Variants in DMD observed in about 807,000 individuals in gnomAD.
DMD encodes the protein mutant dystrophin.
A neutral mutation model predicts 330.1 loss-of-function variants in DMD; 63 were observed. The observed-to-expected ratio is 0.19, with a 90% CI of 0.16 to 0.24. The LOEUF (loss-of-function observed/expected upper bound fraction) is 0.24. DMD is among the 10% of genes least tolerant of loss of function. The pLI is 1.00. For synonymous variants in DMD, 1,223 were observed against 959.8 expected (o/e 1.27, Z -5.07); for missense variants, 3,344 against 2,684.1 (o/e 1.25, Z -5.43).
chrX:31,125,655 C>T lies in DMD; in HGVS notation c.11046+987G>A, dbSNP rs529339102. ...GGGCTGTCAGTTAACACTTTGTCAT[C>T]CAACAGTCACTTAATTAGGTAATTC... On this transcript the variant is annotated intron_variant, in intron 78 of 78. Transcript: ENST00000357033. Among the ~76,000 whole-genome samples the T allele has an allele frequency of 4.5e-5, 5 of 111,774 alleles. No homozygotes were observed. In the East Asian group the frequency reaches 1.1e-3, roughly 25 times the overall value.
intron 11 of DMD, among the ~76,000 whole-genome samples, chrX:32,620,801 A>G (rs982470080): frequency 3.6e-5 from 4 of 112,194 alleles, no homozygotes; most frequent in African/African-American, 1.3e-4. Flanking sequence ...TAATTAGAAT[A>G]TAAGAAATCC....
At chrX:32,314,557 T>G (rs2097576276) in intron 41 of DMD, among the ~76,000 whole-genome samples, 1 of 110,844 alleles carries the variant, frequency 9.0e-6, no homozygotes, top group Admixed American at 9.6e-5. Context: ...GGGATCTAAT[T>G]AAACTGAAGA....
At chrX:33,157,560 G>A (rs2048565228) in intron 1 of DMD, among the ~76,000 whole-genome samples, 2 of 112,392 alleles carry the variant, frequency 1.8e-5, no homozygotes, top group Admixed American at 1.9e-4. Context: ...TGAACTGACT[G>A]CTGTCAATCT....
At position 32,816,507 on chromosome X, in the gene DMD, G is replaced by T; in HGVS notation, c.491C>A (p.Ser164Tyr). The T allele has an allele frequency of 8.3e-7, 1 of 1,211,552 alleles. No individual in the cohort carries two copies. Among genetic ancestry groups the T allele is most frequent in the Non-Finnish European group, 1.1e-6 (1 of 895,349 alleles). Reference sequence around the variant, plus strand: ...GAGAGCATTCAAAGCCAGGCCATCAGACCAGCTGGTGGTGAAGTTGATTAC... The same window carrying T: ...GAGAGCATTCAAAGCCAGGCCATCATACCAGCTGGTGGTGAAGTTGATTAC... ...VNVINFTTSW[S>Y]DGLALNALIH... Residue 164 changes from serine to tyrosine, a missense_variant, in exon 6 of 79, where the codon TCT becomes TAT. Transcript: ENST00000357033.
intron 37 of DMD, among the ~76,000 whole-genome samples, chrX:32,358,712 G>A (rs926529577): frequency 2.4e-4 from 27 of 111,046 alleles, no homozygotes; most frequent in Non-Finnish European, 5.7e-5. Context: ...GCAAAGACAC[G>A]ATTTTCTGAC....
At chrX:31,530,004 T>C in intron 55 of DMD, among the ~76,000 whole-genome samples, 1 of 112,052 alleles carries the variant, frequency 8.9e-6, no homozygotes, top group Non-Finnish European at 1.9e-5. Flanking sequence ...CATCTGTCGG[T>C]AATGCAAACG....
intron 44 of DMD, among the ~76,000 whole-genome samples, chrX:32,154,309 C>A (rs931181364): frequency 8.9e-6 from 1 of 111,983 alleles, no homozygotes; most frequent in African/African-American, 3.2e-5. Context: ...TTTTTCTAAA[C>A]TCTTACTGAA....
At chrX:32,774,282 G>T (rs1014263039) in intron 7 of DMD, among the ~76,000 whole-genome samples, 3 of 112,015 alleles carry the variant, frequency 2.7e-5, no homozygotes, top group African/African-American at 9.7e-5. Flanking sequence ...CGGAGGGAAA[G>T]AAACAATTCG....
intron 34 of DMD, among the ~76,000 whole-genome samples, chrX:32,371,236 G>A (rs762688697): frequency 9.9e-5 from 11 of 111,461 alleles, no homozygotes; most frequent in Non-Finnish European, 1.5e-4. Flanking sequence ...CAAAATAAAC[G>A]TGAAAAACAC....
chrX:32,914,055 T>C (rs2149346461), intron 2 of DMD, among the ~76,000 whole-genome samples: 1 of 111,948 alleles, frequency 8.9e-6, no homozygotes, highest in South Asian at 3.7e-4. Context: ...GCCTCAGGCT[T>C]AGCTTTTAAA....
intron 60 of DMD, among the ~76,000 whole-genome samples, chrX:31,373,977 A>C (rs746523960): frequency 2.1e-4 from 23 of 108,907 alleles, no homozygotes; most frequent in African/African-American, 7.4e-4. Context: ...ATGTACAAGA[A>C]AAAAACAAAC....
At chrX:33,125,023 T>TAAA (rs59232009) in intron 1 of DMD, among the ~76,000 whole-genome samples, 10 of 27,863 alleles carry the variant, frequency 3.6e-4, no homozygotes, top group African/African-American at 9.9e-4. Flanking sequence ...AAAGTCCATC[T>TAAA]AAAAAAAAAA....
chrX:32,515,949 G>T (rs963858500), intron 18 of DMD, among the ~76,000 whole-genome samples: 1 of 111,298 alleles, frequency 9.0e-6, no homozygotes, highest in Non-Finnish European at 1.9e-5. Flanking sequence ...TTATGCTTAG[G>T]TTTAAAAGTT....
At chrX:32,053,960 G>A (rs1046644323) in intron 44 of DMD, among the ~76,000 whole-genome samples, 7 of 109,366 alleles carry the variant, frequency 6.4e-5, no homozygotes, top group African/African-American at 2.3e-4. Flanking sequence ...TCAAAGGGGG[G>A]AATTAAATGC....
At chrX:31,349,444 A>C (rs966475596) in intron 60 of DMD, among the ~76,000 whole-genome samples, 6 of 112,657 alleles carry the variant, frequency 5.3e-5, no homozygotes, top group African/African-American at 1.9e-4. Flanking sequence ...TTAAGTATCA[A>C]AGAAGTACAG....
At position 32,217,013 on chromosome X, in the gene DMD, T is replaced by C; in HGVS notation, c.6341A>G (p.Lys2114Arg). 1 of 1,208,716 alleles carries C rather than the reference T, an allele frequency of 8.3e-7. No homozygotes were observed. Among genetic ancestry groups the C allele is most frequent in the South Asian group, 1.8e-5 (1 of 56,852 alleles). Reference protein sequence around the residue: ...EKWRRFHYDIKIFNQWLTEAE... With the variant: ...EKWRRFHYDIRIFNQWLTEAE... ...TTCTGTTAGCCACTGATTAAATATC[T>C]TTATATCATAATGAAAACGCCGCCA... is the stretch of plus-strand genomic sequence containing the variant. The change falls in exon 44 of 79, where the codon AAG becomes AGG. Residue 2114 changes from lysine to arginine, a missense_variant. Transcript: ENST00000357033.
chrX:32,554,063 C>T (rs191189297), intron 16 of DMD, among the ~76,000 whole-genome samples: 97 of 112,280 alleles, frequency 8.6e-4, no homozygotes, highest in African/African-American at 3.0e-3. Flanking sequence ...GACCAGCTGC[C>T]ACCTCTGCAG....
intron 13 of DMD, among the ~76,000 whole-genome samples, chrX:32,581,924 A>T (rs2053695074): frequency 8.9e-6 from 1 of 112,200 alleles, no homozygotes; most frequent in Non-Finnish European, 1.9e-5. Flanking sequence ...GTGATTTGAC[A>T]TATAGCAGAA....
chrX:33,336,448 G>A (rs2148968275), intron 1 of DMD, among the ~76,000 whole-genome samples: 1 of 110,515 alleles, frequency 9.0e-6, no homozygotes, highest in Non-Finnish European at 1.9e-5. Flanking sequence ...AGCAACACCT[G>A]AGAGGCAGCT....
Sources: gnomAD v4.1 joint callset for allele counts (sites outside exome capture counted in the v4.1 genomes callset) on GRCh38, gnomAD v4.1.1 for gene constraint, MANE v1.5 for transcripts, NCBI Gene and HGNC (gene_info 2026-07-23, HGNC 2026-07-21) for gene names.